The following XDH variants were observed in gnomAD, a reference collection of about 807,000 sequenced individuals.
The protein encoded by XDH is xanthine dehydrogenase.
A neutral mutation model predicts 156.1 loss-of-function variants in XDH; 138 were observed. That is an observed-to-expected ratio of 0.88 (90% CI 0.77 to 1.02). The LOEUF (loss-of-function observed/expected upper bound fraction) is 1.02, where lower values mean the gene tolerates loss of function less well. XDH is among the 50% of genes least tolerant of loss of function. XDH has a pLI of 0.00. For missense variants in XDH, 1,849 were observed against 1,684.9 expected (o/e 1.10, Z -1.71); for synonymous variants, 669 against 625.7 (o/e 1.07, Z -1.03).
intron 6 of XDH, among the ~76,000 whole-genome samples, chr2:31,397,166 T>A (rs566709390): frequency 6.6e-6 from 1 of 152,284 alleles, no homozygotes; most frequent in African/African-American, 2.4e-5. Context: ...TCACTCAGAG[T>A]TATATGAACA....
At chr2:31,355,901 G>A (rs1685611061) in intron 24 of XDH, among the ~76,000 whole-genome samples, 1 of 152,202 alleles carries the variant, frequency 6.6e-6, no homozygotes, top group Middle Eastern at 3.4e-3. Flanking sequence ...AATAATGTAG[G>A]CAAGTTGAAA....
chr2:31,390,554 T>C (rs534350568), intron 6 of XDH, among the ~76,000 whole-genome samples: 78 of 152,372 alleles, frequency 5.1e-4, no homozygotes, highest in Non-Finnish European at 1.0e-3. Flanking sequence ...AGGTGCATGA[T>C]AAGACATGTT....
At position 31,414,672 on chromosome 2, in the gene XDH, C is replaced by T; in HGVS notation, c.-6G>A. 3 of 1,614,140 alleles carry T rather than the reference C, an allele frequency of 1.9e-6. No homozygotes were observed. Among genetic ancestry groups the T allele is most frequent in the South Asian group, 2.2e-5 (2 of 91,076 alleles). Reference sequence around the variant, plus strand: ...ACCAATTTGTCTGCTGTCATTGTCACAGGTTGGGGTCCCCGAACTCCAGGT... The same window carrying T: ...ACCAATTTGTCTGCTGTCATTGTCATAGGTTGGGGTCCCCGAACTCCAGGT... On this transcript the variant is annotated 5_prime_UTR_variant, in exon 1 of 36. It adds an upstream start codon to the 5' untranslated region. Transcript: ENST00000379416.
rs776912338 is a variant in XDH at position 31,381,662 on chromosome 2, C to A, written c.1103G>T (p.Ser368Ile). ...GGACACAAGTGTCAGCTTGGCCCCA[C>A]TGGCCATGAACACGGGGTTGAGGTC... ...ISDLNPVFMA[S>I]GAKLTLVSRG... The change falls in exon 12 of 36, where the codon AGT (serine) becomes ATT (isoleucine). Residue 368 changes from serine to isoleucine, a missense_variant. Transcript: ENST00000379416. The A allele has an allele frequency of 2.5e-6, 4 of 1,614,050 alleles. No individual in the cohort carries two copies. The highest frequency in any genetic ancestry group is 3.4e-6 in the Non-Finnish European group (4 of 1,180,022).
rs1048519807 is a variant in XDH, at chr2:31,335,361, G to A, written c.*597C>T. On this transcript the variant is annotated 3_prime_UTR_variant, in exon 36 of 36. Coordinates refer to ENST00000379416, the MANE Select transcript of XDH (RefSeq NM_000379.4). ...GATTTTTGTATTATAGAGTAATCTTGCTTTATGCAGCTTCACAAAATCAGA... is the reference window on the plus strand; with the variant it reads ...GATTTTTGTATTATAGAGTAATCTTACTTTATGCAGCTTCACAAAATCAGA... 1.2e-5 allele frequency: 2 copies of A among 161,216 alleles called. No individual in the cohort carries two copies. Among genetic ancestry groups the A allele is most frequent in the African/African-American group, 2.4e-5 (1 of 41,532 alleles). The allele number at this position is 161,216 out of a possible 1,614,324, so 10.0% of individuals were successfully genotyped here.
chr2:31,385,541 T>C (rs1686565979), intron 9 of XDH, among the ~76,000 whole-genome samples: 1 of 152,132 alleles, frequency 6.6e-6, no homozygotes, highest in Admixed American at 6.5e-5. Context: ...AGCATGCCCC[T>C]CCACAGCAGA....
intron 6 of XDH, among the ~76,000 whole-genome samples, chr2:31,395,741 C>G (rs186921296): frequency 6.6e-6 from 1 of 152,212 alleles, no homozygotes; most frequent in South Asian, 2.1e-4. Flanking sequence ...CTGTCTGTCT[C>G]TCCAATTTTT....
At chr2:31,393,466 A>C (rs2147999659) in intron 6 of XDH, among the ~76,000 whole-genome samples, 1 of 152,218 alleles carries the variant, frequency 6.6e-6, no homozygotes, top group East Asian at 1.9e-4. Context: ...ATCATGGTCC[A>C]CCTTTCTTTA....
At chr2:31,404,315 G>A (rs1018153481) in intron 2 of XDH, among the ~76,000 whole-genome samples, 2 of 152,174 alleles carry the variant, frequency 1.3e-5, no homozygotes, top group African/African-American at 2.4e-5. Context: ...AAGACGAATG[G>A]TGGCACCTGA....
At chr2:31,387,288 G>A (rs1005388382) in intron 8 of XDH, among the ~76,000 whole-genome samples, 5 of 152,284 alleles carry the variant, frequency 3.3e-5, no homozygotes, top group South Asian at 4.1e-4. Flanking sequence ...TGATTCTTTC[G>A]TTGCCATAAA....
At chr2:31,412,028 T>G (rs1383372642) in intron 1 of XDH, among the ~76,000 whole-genome samples, 1 of 152,196 alleles carries the variant, frequency 6.6e-6, no homozygotes, top group Non-Finnish European at 1.5e-5. Flanking sequence ...TCACTTCTTG[T>G]GGGGATCACT....
rs761536389 is a variant in XDH at position 31,414,661 on chromosome 2, T to C, written c.6A>G (p.Thr2=). The C allele has an allele frequency of 6.2e-7, 1 of 1,614,028 alleles. No individual in the cohort carries two copies. The highest frequency in any genetic ancestry group is 8.5e-7 in the Non-Finnish European group (1 of 1,179,996). The change falls in exon 1 of 36, where the codon ACA becomes ACG. Residue 2 remains threonine (T), a synonymous_variant. Transcript: ENST00000379416. ...TCACAAAGAAAACCAATTTGTCTGCTGTCATTGTCACAGGTTGGGGTCCCC... is the reference window on the plus strand; with the variant it reads ...TCACAAAGAAAACCAATTTGTCTGCCGTCATTGTCACAGGTTGGGGTCCCC... M[T]ADKLVFFVNG... is the part of the protein sequence containing the mutation.
In XDH at chr2:31,401,285, G is replaced by T. The variant is rs1258620509; in HGVS notation, c.241C>A (p.His81Asn). 1.2e-6 allele frequency: 2 copies of T among 1,614,202 alleles called. No individual in the cohort carries two copies. The highest frequency in any genetic ancestry group is 3.3e-5 in the Admixed American group (2 of 60,026). ...NACLAPICSL[H>N]HVAVTTVEGI... is the part of the protein sequence containing the mutation. ...TCCACAGTTGTCACTGCAACATGGTGCAAGGAGCAGATGGGGGCCAGGCAG... is the reference window on the plus strand; with the variant it reads ...TCCACAGTTGTCACTGCAACATGGTTCAAGGAGCAGATGGGGGCCAGGCAG... Residue 81 changes from histidine (H) to asparagine (N), a missense_variant, in exon 4 of 36, where the codon CAC becomes AAC. Physicochemically the swap from His to Asn is moderately conservative, Grantham distance 68. Transcript: ENST00000379416.
intron 35 of XDH, among the ~76,000 whole-genome samples, chr2:31,336,549 T>A (rs1431128998): frequency 6.6e-6 from 1 of 151,730 alleles, no homozygotes; most frequent in East Asian, 2.0e-4. Context: ...AGTGGGAAGG[T>A]TCTGGGCTGT....
rs997404060 is a variant in XDH, at chr2:31,342,285, C to G, written c.3417G>C (p.Leu1139=). ...CTGAGTTAGTCTCAAAGCTGTAGCC[C>G]AGATTGGGTGTTCTGGGAGAGGAAA... ...SATGFYRTPN[L]GYSFETNSGN... The change falls in exon 32 of 36, where the codon CTG becomes CTC. Residue 1139 remains leucine, a synonymous_variant. Transcript: ENST00000379416. 1 of 1,613,962 alleles carries G rather than the reference C, an allele frequency of 6.2e-7. No homozygotes were observed. Among genetic ancestry groups the G allele is most frequent in the Non-Finnish European group, 8.5e-7 (1 of 1,179,956 alleles).
At chr2:31,359,278 T>G (rs1022844564) in intron 24 of XDH, among the ~76,000 whole-genome samples, 4 of 152,152 alleles carry the variant, frequency 2.6e-5, no homozygotes, top group Non-Finnish European at 5.9e-5. Context: ...TCCATTTATT[T>G]TTTAAATACA....
At chr2:31,401,040 T>C (rs1028878742) in intron 4 of XDH, among the ~76,000 whole-genome samples, 180 bp downstream of exon 4, 9 of 152,204 alleles carry the variant, frequency 5.9e-5, no homozygotes, top group African/African-American at 2.2e-4. Flanking sequence ...CTTGGGTGTT[T>C]CTTCTTTTCA....
At position 31,405,957 on chromosome 2, in the gene XDH, T is replaced by TCCA. The variant is rs1449498365; in HGVS notation, c.47_49dup (p.Val16dup). On this transcript the variant is annotated inframe_insertion, in exon 2 of 36. Transcript: ENST00000379416. ...GGTTGTCTCTGGATCTGCATTTTTC[T>TCCA]CCACCACCTATTAAAATAAATGAAA... 20 of 1,614,068 alleles carry TCCA rather than the reference T, an allele frequency of 1.2e-5. No homozygotes were observed. Among genetic ancestry groups the TCCA allele is most frequent in the Non-Finnish European group, 1.6e-5 (19 of 1,180,032 alleles).
intron 14 of XDH, among the ~76,000 whole-genome samples, chr2:31,376,054 G>A (rs1015824991): frequency 1.6e-4 from 24 of 152,260 alleles, no homozygotes; most frequent in African/African-American, 5.5e-4. Context: ...GATAATGTTA[G>A]TGAAGTGTTC....
Sources: allele counts gnomAD v4.1 joint callset (sites outside exome capture counted in the v4.1 genomes callset), GRCh38; gene constraint gnomAD v4.1.1; transcripts MANE v1.5; gene names NCBI Gene and HGNC (gene_info 2026-07-23, HGNC 2026-07-21).